Variants in CCM2 observed in about 807,000 individuals in gnomAD.
CCM2 encodes CCM2 scaffold protein, also known as cerebral cavernous malformations 2 protein.
A neutral mutation model predicts 44.9 loss-of-function variants in CCM2; 25 were observed. The observed-to-expected ratio is 0.56, with a 90% CI of 0.41 to 0.78. The LOEUF is 0.78. Ranked by LOEUF, CCM2 falls within the 30% of genes least tolerant of loss-of-function variation. The pLI is 0.00. For synonymous variants in CCM2, 219 were observed against 241.1 expected (o/e 0.91, Z 0.85); for missense variants, 481 against 580.6 (o/e 0.83, Z 1.76).
At position 45,013,213 on chromosome 7, in the gene CCM2, C is replaced by A. The variant is rs547331497; in HGVS notation, c.30+12850C>A. On this transcript the variant is annotated intron_variant, in intron 1 of 9. Coordinates refer to ENST00000258781, the MANE Select transcript of CCM2 (RefSeq NM_031443.4). ...ATTTCTTTCTTGTACACTGTAAGAA[C>A]CTATCAGCAGTATCATTCCATTTGT... 8.5e-5 allele frequency among the ~76,000 whole-genome samples: 13 copies of A among 152,188 alleles called. No individual in the cohort carries two copies. The East Asian group carries it at 2.5e-3, about 29-fold the overall frequency.
intron 1 of CCM2, among the ~76,000 whole-genome samples, chr7:45,028,513 C>T (rs60183277): frequency 0.13 from 20,044 of 151,996 alleles, 1,627 homozygotes; most frequent in Admixed American, 0.2. Flanking sequence ...AAAAAATTGC[C>T]GGGTGTGGCG....
intron 1 of CCM2, among the ~76,000 whole-genome samples, chr7:45,004,955 C>A (rs1250188044): frequency 1.3e-5 from 2 of 150,980 alleles, no homozygotes; most frequent in African/African-American, 4.9e-5. Flanking sequence ...GAGAATGTGC[C>A]ATTGCGCTCC....
intron 1 of CCM2, among the ~76,000 whole-genome samples, chr7:45,008,351 ATGTTCTTTTTTTTT>A (rs1795930671): frequency 1.6e-5 from 2 of 125,992 alleles, no homozygotes; most frequent in African/African-American, 6.2e-5. Flanking sequence ...CCAAGGGTAC[ATGTTCTTTTTTTTT>A]TTTTTTTTTT....
At chr7:45,051,204 A>G (rs1797984753) in intron 2 of CCM2, among the ~76,000 whole-genome samples, 1 of 152,170 alleles carries the variant, frequency 6.6e-6, no homozygotes, top group Non-Finnish European at 1.5e-5. Flanking sequence ...CAGATGAACT[A>G]CAGCCCTGAC....
intron 6 of CCM2, chr7:45,070,226 AC>A: frequency 4.0e-6 from 2 of 506,070 alleles, no homozygotes; most frequent in Non-Finnish European, 7.2e-6. Flanking sequence ...TTTTGGAACC[AC>A]TTGTGGCTAA....
chr7:45,016,131 C>G (rs1796253946), intron 1 of CCM2, among the ~76,000 whole-genome samples: 1 of 152,188 alleles, frequency 6.6e-6, no homozygotes, highest in African/African-American at 2.4e-5. Flanking sequence ...GGCTGGCCAT[C>G]CCACAGGCTG....
chr7:45,006,905 A>G (rs562386460), intron 1 of CCM2, among the ~76,000 whole-genome samples: 1 of 152,342 alleles, frequency 6.6e-6, no homozygotes, highest in Non-Finnish European at 1.5e-5. Context: ...ACTCAAGTCT[A>G]TAATACTTAG....
intron 4 of CCM2, 94 bp downstream of exon 4, chr7:45,064,740 T>C: frequency 7.8e-7 from 1 of 1,287,454 alleles, no homozygotes; most frequent in Non-Finnish European, 1.1e-6. Flanking sequence ...AGCTTCGTGT[T>C]GGGTGCTGCT....
intron 1 of CCM2, among the ~76,000 whole-genome samples, chr7:45,038,021 C>G (rs1279651978): frequency 1.3e-5 from 2 of 152,140 alleles, no homozygotes. Context: ...AACAAGGTGC[C>G]TCCATGCCAG....
chr7:45,007,913 AG>A (rs1365339672), intron 1 of CCM2, among the ~76,000 whole-genome samples: 2 of 152,156 alleles, frequency 1.3e-5, no homozygotes, highest in African/African-American at 4.8e-5. Context: ...TCTATTCTAT[AG>A]TTTAAAATTC....
At chr7:45,010,186 C>T (rs571684616) in intron 1 of CCM2, among the ~76,000 whole-genome samples, 4 of 152,324 alleles carry the variant, frequency 2.6e-5, no homozygotes, top group Admixed American at 2.6e-4. Context: ...GTTGGTATTA[C>T]AGGCGTGAGC....
At chr7:45,055,870 C>T (rs903113589) in intron 2 of CCM2, among the ~76,000 whole-genome samples, 1 of 152,152 alleles carries the variant, frequency 6.6e-6, no homozygotes, top group Non-Finnish European at 1.5e-5. Context: ...TGGCAACCAC[C>T]GCTTTACTTT....
intron 2 of CCM2, among the ~76,000 whole-genome samples, chr7:45,045,651 CGTG>C (rs1797717830): frequency 6.6e-6 from 1 of 152,046 alleles, no homozygotes; most frequent in Admixed American, 6.5e-5. Context: ...ATTAGCCGGA[CGTG>C]GTGGCGGGTG....
At chr7:45,013,615 C>T (rs1796148313) in intron 1 of CCM2, among the ~76,000 whole-genome samples, 1 of 152,182 alleles carries the variant, frequency 6.6e-6, no homozygotes, top group Admixed American at 6.5e-5. Flanking sequence ...CTACGTAATT[C>T]ATGACCCCAC....
intron 3 of CCM2, 29 bp downstream of exon 3, chr7:45,064,030 T>A: frequency 8.4e-7 from 1 of 1,185,310 alleles, no homozygotes; most frequent in Non-Finnish European, 1.3e-6. Flanking sequence ...CCCTGTGCAC[T>A]AGCCCTCAGC....
chr7:45,025,506 T>C (rs1796649363), intron 1 of CCM2, among the ~76,000 whole-genome samples: 1 of 151,638 alleles, frequency 6.6e-6, no homozygotes, highest in East Asian at 1.9e-4. Context: ...TTCTAAGATA[T>C]ATTTCTTGTT....
chr7:45,027,281 T>C (rs1796730396), intron 1 of CCM2: 2 of 329,036 alleles, frequency 6.1e-6, no homozygotes, highest in African/African-American at 4.3e-5. Context: ...GTACCATGGG[T>C]CTTCACCAAC....
intron 5 of CCM2, 72 bp from the exon 6 acceptor site, chr7:45,069,754 T>TA: frequency 6.3e-7 from 1 of 1,590,978 alleles, no homozygotes; most frequent in Non-Finnish European, 8.6e-7. Flanking sequence ...CTGCCCCAGG[T>TA]ATCCTGGAAG....
At chr7:45,025,916 T>C (rs1236368535) in intron 1 of CCM2, among the ~76,000 whole-genome samples, 1 of 152,240 alleles carries the variant, frequency 6.6e-6, no homozygotes, top group Admixed American at 6.5e-5. Flanking sequence ...AGCTAGAATG[T>C]AGGTTCCTGT....
Sources: gnomAD v4.1 joint callset for allele counts (sites outside exome capture counted in the v4.1 genomes callset) on GRCh38, gnomAD v4.1.1 for gene constraint, MANE v1.5 for transcripts, NCBI Gene and HGNC (gene_info 2026-07-23, HGNC 2026-07-21) for gene names.